Variants in ZDHHC14 observed in about 807,000 individuals in gnomAD.
ZDHHC14 encodes palmitoyltransferase ZDHHC14.
In ZDHHC14, 16 loss-of-function variants were observed where a neutral mutation model predicts 47.7. That is an observed-to-expected ratio of 0.34 (90% CI 0.23 to 0.51). ZDHHC14 has a LOEUF of 0.51. ZDHHC14 is among the 20% of genes least tolerant of loss of function. The pLI is 0.97. For missense variants in ZDHHC14, 515 were observed against 662.5 expected, an observed-to-expected ratio of 0.78 and a Z score of 2.44; for synonymous variants, 293 against 278.9, an observed-to-expected ratio of 1.05 and a Z score of -0.50.
At chr6:157,467,131 G>A (rs1041250814) in intron 1 of ZDHHC14, among the ~76,000 whole-genome samples, 7 of 152,094 alleles carry the variant, frequency 4.6e-5, no homozygotes, top group African/African-American at 1.7e-4. Flanking sequence ...TAAAATTCTC[G>A]CATTGCAAGA....
chr6:157,452,689 G>GTTTTT (rs1778828593), intron 1 of ZDHHC14, among the ~76,000 whole-genome samples: 4 of 121,700 alleles, frequency 3.3e-5, no homozygotes, highest in African/African-American at 1.2e-4. Flanking sequence ...AATACATGGG[G>GTTTTT]ATTTTTTTTT....
chr6:157,648,160 C>T, intron 7 of ZDHHC14, among the ~76,000 whole-genome samples: 1 of 152,184 alleles, frequency 6.6e-6, no homozygotes, highest in Non-Finnish European at 1.5e-5. Context: ...GTGAGTTACA[C>T]CTATGGAGAA....
intron 2 of ZDHHC14, among the ~76,000 whole-genome samples, chr6:157,556,811 A>G (rs939706821): frequency 3.3e-5 from 5 of 152,188 alleles, no homozygotes; most frequent in African/African-American, 1.2e-4. Context: ...GGCTGCCACC[A>G]GCTGAAGGAC....
rs1460353564 is a variant in ZDHHC14, at chr6:157,677,185, C to T, written c.*4063C>T. ...TTCCTATTCCTCTTGGTCCCCTCCA[C>T]CTATTTTGGAGGTCTGCATGTGGAG... On this transcript the variant is annotated 3_prime_UTR_variant, in exon 9 of 9. Transcript: ENST00000359775. The T allele has an allele frequency of 1.3e-5, 2 of 150,624 alleles. No individual in the cohort carries two copies. The highest frequency in any genetic ancestry group is 3.9e-4 in the East Asian group (2 of 5,116). The allele number at this position is 150,624 out of a possible 1,614,324, so 9.3% of individuals were successfully genotyped here. A position where few individuals can be genotyped will look rare whatever the true frequency, so the allele number is the denominator to read the frequency against.
intron 5 of ZDHHC14, among the ~76,000 whole-genome samples, chr6:157,639,453 C>T (rs777843508): frequency 3.9e-5 from 6 of 152,044 alleles, no homozygotes; most frequent in Non-Finnish European, 1.5e-5. Context: ...TACAGGCGCT[C>T]GCCACCAAGC....
chr6:157,539,008 A>G (rs1335793987), intron 1 of ZDHHC14, among the ~76,000 whole-genome samples: 1 of 152,138 alleles, frequency 6.6e-6, no homozygotes, highest in African/African-American at 2.4e-5. Context: ...TTCATTTGGT[A>G]GGAACGGCGG....
At chr6:157,469,242 G>A (rs1779298322) in intron 1 of ZDHHC14, among the ~76,000 whole-genome samples, 1 of 152,160 alleles carries the variant, frequency 6.6e-6, no homozygotes. Flanking sequence ...TCACCAAATT[G>A]TTGCCCTCTC....
chr6:157,511,434 G>A (rs1371194854), intron 1 of ZDHHC14, among the ~76,000 whole-genome samples: 1 of 151,162 alleles, frequency 6.6e-6, no homozygotes. Flanking sequence ...AGGCTGGAGT[G>A]CAATGGTGCC....
chr6:157,535,623 A>G (rs1322053627), intron 1 of ZDHHC14, among the ~76,000 whole-genome samples: 1 of 152,110 alleles, frequency 6.6e-6, no homozygotes, highest in Non-Finnish European at 1.5e-5. Flanking sequence ...CCCTTCATAC[A>G]GGCATGCATA....
intron 8 of ZDHHC14, among the ~76,000 whole-genome samples, chr6:157,656,883 C>T (rs1328337358): frequency 1.3e-5 from 2 of 152,062 alleles, no homozygotes; most frequent in Non-Finnish European, 2.9e-5. Context: ...CTCTTCACTG[C>T]TGGCCTCAGG....
chr6:157,610,138 G>A (rs1237438933), intron 3 of ZDHHC14, among the ~76,000 whole-genome samples: 3 of 151,908 alleles, frequency 2.0e-5, no homozygotes, highest in Non-Finnish European at 4.4e-5. Flanking sequence ...TCCCACCCAC[G>A]ACCTGAGTCA....
At chr6:157,525,357 G>A (rs1450424566) in intron 1 of ZDHHC14, among the ~76,000 whole-genome samples, 1 of 151,994 alleles carries the variant, frequency 6.6e-6, no homozygotes, top group Non-Finnish European at 1.5e-5. Flanking sequence ...GTAGAAACAG[G>A]GTCTTGCCAT....
At chr6:157,555,058 G>A (rs756980896) in intron 2 of ZDHHC14, among the ~76,000 whole-genome samples, 1 of 152,156 alleles carries the variant, frequency 6.6e-6, no homozygotes, top group African/African-American at 2.4e-5. Context: ...ACTGGGTGAC[G>A]GTTGCCCAGG....
chr6:157,473,084 G>C (rs241581), intron 1 of ZDHHC14, among the ~76,000 whole-genome samples: 117,786 of 152,182 alleles, frequency 0.77, 45,913 homozygotes, highest in East Asian at 0.92. Flanking sequence ...AACATGGTAT[G>C]TGATATATGT....
At chr6:157,592,655 G>A (rs1783955651) in intron 2 of ZDHHC14, 2 of 816,560 alleles carry the variant, frequency 2.4e-6, no homozygotes, top group African/African-American at 1.8e-5. Flanking sequence ...CTCCCAAGAT[G>A]GCCTGGGGCC....
chr6:157,638,547 A>G (rs1777092028), intron 5 of ZDHHC14, among the ~76,000 whole-genome samples: 2 of 151,998 alleles, frequency 1.3e-5, no homozygotes, highest in Admixed American at 6.5e-5. Context: ...GGCATGTTCA[A>G]ACAAAGGAGA....
intron 1 of ZDHHC14, among the ~76,000 whole-genome samples, chr6:157,389,173 T>C (rs1220845579): frequency 6.6e-6 from 1 of 152,172 alleles, no homozygotes; most frequent in Non-Finnish European, 1.5e-5. Context: ...AACTTTTATT[T>C]TGAAATGATT....
intron 2 of ZDHHC14, among the ~76,000 whole-genome samples, chr6:157,575,075 G>GCC (rs1271079331): frequency 1.3e-5 from 2 of 152,138 alleles, no homozygotes; most frequent in Non-Finnish European, 2.9e-5. Context: ...AGTCAGGTGA[G>GCC]TTGGTGTTGC....
At chr6:157,527,596 C>G (rs1303710956) in intron 1 of ZDHHC14, among the ~76,000 whole-genome samples, 1 of 152,176 alleles carries the variant, frequency 6.6e-6, no homozygotes, top group Non-Finnish European at 1.5e-5. Context: ...GCACTACAGT[C>G]ACGAGGTTTT....
Sources: allele counts gnomAD v4.1 joint callset (sites outside exome capture counted in the v4.1 genomes callset), GRCh38; gene constraint gnomAD v4.1.1; transcripts MANE v1.5; gene names NCBI Gene and HGNC (gene_info 2026-07-23, HGNC 2026-07-21).